ERC1: variants seen among roughly 807,000 people sequenced by gnomAD.
ERC1 encodes RAB6 interacting protein 2.
A neutral mutation model predicts 132.0 loss-of-function variants in ERC1; 56 were observed. The observed-to-expected ratio is 0.42, with a 90% CI of 0.34 to 0.53. The LOEUF (loss-of-function observed/expected upper bound fraction) is 0.53. Among genes scored for constraint, ERC1 ranks in the 20% least tolerant of loss-of-function variants. The pLI is 0.03. For missense variants in ERC1, 1,202 were observed against 1,349.9 expected, an observed-to-expected ratio of 0.89 and a Z score of 1.72; for synonymous variants, 478 against 476.1, an observed-to-expected ratio of 1.00 and a Z score of -0.05.
chr12:1,405,275 C>T (rs1020738370), intron 16 of ERC1, among the ~76,000 whole-genome samples: 2 of 146,814 alleles, frequency 1.4e-5, no homozygotes, highest in East Asian at 3.9e-4. Flanking sequence ...ATTTGATTCA[C>T]AGATAATTTA....
chr12:1,042,662 TA>T (rs1787580080), intron 2 of ERC1, among the ~76,000 whole-genome samples: 1 of 152,056 alleles, frequency 6.6e-6, no homozygotes, highest in African/African-American at 2.4e-5. Context: ...TTTTTTTTTT[TA>T]AACCCAGTTG....
Position 1,495,405 on chromosome 12 carries a change from G to A in ERC1, c.*5175G>A, listed in dbSNP as rs1374533862. ...CCCCAGAGAAGCCACTGTCAGGAAA[G>A]GAAGTGAACCCTACTGAAGCCAGAG... On this transcript the variant is annotated 3_prime_UTR_variant, in exon 19 of 19. Coordinates refer to ENST00000360905, the MANE Select transcript of ERC1 (RefSeq NM_178040.4). 8.8e-6 allele frequency: 2 copies of A among 227,996 alleles called. No homozygotes were observed. Among genetic ancestry groups the A allele is most frequent in the East Asian group, 1.2e-4 (2 of 16,004 alleles). 14.1% of individuals were successfully genotyped at this position (227,996 alleles called of 1,614,324 possible).
chr12:1,434,737 T>A (rs1324716146), intron 17 of ERC1, among the ~76,000 whole-genome samples: 1 of 152,184 alleles, frequency 6.6e-6, no homozygotes, highest in African/African-American at 2.4e-5. Context: ...TGACTGGAGA[T>A]CCTTAGGCTA....
intron 8 of ERC1, among the ~76,000 whole-genome samples, chr12:1,142,305 G>T (rs1288979140): frequency 6.6e-6 from 1 of 151,912 alleles, no homozygotes; most frequent in East Asian, 1.9e-4. Flanking sequence ...AATATATTTT[G>T]GTATTCTTTC....
At chr12:1,228,286 A>G (rs1249503666) in intron 12 of ERC1, among the ~76,000 whole-genome samples, 1 of 152,196 alleles carries the variant, frequency 6.6e-6, no homozygotes, top group Non-Finnish European at 1.5e-5. Flanking sequence ...TTATCTTTCC[A>G]TTTGTATGTA....
intron 8 of ERC1, among the ~76,000 whole-genome samples, chr12:1,163,916 A>G (rs1277145523): frequency 1.3e-5 from 2 of 152,112 alleles, no homozygotes; most frequent in African/African-American, 4.8e-5. Context: ...GGGTTTTGCC[A>G]TGTTGGCCAG....
At chr12:1,252,694 AAGG>A (rs2076543146) in intron 13 of ERC1, among the ~76,000 whole-genome samples, 1 of 152,186 alleles carries the variant, frequency 6.6e-6, no homozygotes, top group African/African-American at 2.4e-5. Flanking sequence ...GAGGTGTTTT[AAGG>A]AGAAGGAGGG....
chr12:1,428,584 C>T (rs1346495338), intron 17 of ERC1, among the ~76,000 whole-genome samples: 1 of 152,078 alleles, frequency 6.6e-6, no homozygotes, highest in Admixed American at 6.6e-5. Context: ...GAAGACAGGC[C>T]TAACACTTGT....
intron 15 of ERC1, among the ~76,000 whole-genome samples, chr12:1,337,026 G>A (rs571968257): frequency 6.6e-6 from 1 of 152,286 alleles, no homozygotes; most frequent in South Asian, 2.1e-4. Context: ...ATGTTGGCCA[G>A]GCTGATCTCA....
In ERC1 at chr12:1,371,965, G is replaced by C. The variant is rs762532770; in HGVS notation, c.2913G>C (p.Gln971His). 2 of 1,613,756 alleles carry C rather than the reference G, an allele frequency of 1.2e-6. No homozygotes were observed. The highest frequency in any genetic ancestry group is 3.3e-5 in the Admixed American group (2 of 59,972). ...LKREKDRLVQ[Q>H]LKQQTQNRMK... ...GGGAGAAGGATCGTCTGGTACAGCA[G>C]CTTAAGCAGCAGGTATTATTAAATG... The change falls in exon 16 of 19, where the codon CAG becomes CAC. Residue 971 changes from glutamine to histidine, a missense_variant. Gln to His is a conservative substitution (Grantham distance 24, BLOSUM62 0). Transcript: ENST00000360905.
intron 15 of ERC1, among the ~76,000 whole-genome samples, chr12:1,299,830 G>A (rs1028204586): frequency 5.9e-5 from 9 of 152,038 alleles, no homozygotes; most frequent in South Asian, 2.1e-4. Context: ...CTAAAGACAC[G>A]TAAAAAGATA....
At chr12:1,345,887 A>C (rs1048247764) in intron 15 of ERC1, among the ~76,000 whole-genome samples, 3 of 152,150 alleles carry the variant, frequency 2.0e-5, no homozygotes, top group African/African-American at 7.2e-5. Context: ...TTATGTTTGC[A>C]TGCTTGATAG....
chr12:1,061,016 C>T (rs1937749221), intron 2 of ERC1, among the ~76,000 whole-genome samples: 1 of 152,130 alleles, frequency 6.6e-6, no homozygotes, highest in Non-Finnish European at 1.5e-5. Context: ...CGTGAGCCAC[C>T]ACGCCTGGCC....
chr12:1,007,540 C>CTCTCTCTCTCTGTGTGTGTGTGTG (rs1555194875), intron 1 of ERC1, among the ~76,000 whole-genome samples: 8 of 122,710 alleles, frequency 6.5e-5, no homozygotes, highest in South Asian at 2.6e-4. Context: ...CTCTCTCTCT[C>CTCTCTCTCTCTGTGTGTGTGTGTG]TGTGTGTGTG....
chr12:1,468,366 G>A (rs1319854062), intron 18 of ERC1, among the ~76,000 whole-genome samples: 1 of 152,220 alleles, frequency 6.6e-6, no homozygotes, highest in East Asian at 1.9e-4. Flanking sequence ...ACTTTGGGAG[G>A]CCAAGGTGGG....
intron 16 of ERC1, among the ~76,000 whole-genome samples, chr12:1,376,795 A>T (rs1566715749): frequency 6.6e-6 from 1 of 152,210 alleles, no homozygotes; most frequent in East Asian, 1.9e-4. Flanking sequence ...TGAGACACAG[A>T]AAAGGGGATC....
intron 1 of ERC1, among the ~76,000 whole-genome samples, chr12:1,005,064 G>A (rs1490771070): frequency 6.6e-6 from 1 of 152,112 alleles, no homozygotes; most frequent in Non-Finnish European, 1.5e-5. Context: ...CTTCATGGTA[G>A]TATTCACTTT....
intron 15 of ERC1, among the ~76,000 whole-genome samples, chr12:1,344,087 C>G (rs189484034): frequency 3.9e-5 from 6 of 152,184 alleles, no homozygotes; most frequent in Admixed American, 6.5e-5. Context: ...GTGATCCCCC[C>G]ACTTCGGCCT....
chr12:1,421,048 A>G (rs531281608), intron 17 of ERC1, among the ~76,000 whole-genome samples: 1 of 152,144 alleles, frequency 6.6e-6, no homozygotes, highest in African/African-American at 2.4e-5. Context: ...ATAAATGTGT[A>G]TAATGTATAA....
Sources: gnomAD v4.1 joint callset for allele counts (sites outside exome capture counted in the v4.1 genomes callset) on GRCh38, gnomAD v4.1.1 for gene constraint, MANE v1.5 for transcripts, NCBI Gene and HGNC (gene_info 2026-07-23, HGNC 2026-07-21) for gene names.